Variants in TMEM178B observed in about 807,000 individuals in gnomAD.
TMEM178B encodes transmembrane protein 178B.
TMEM178B carries 5 observed loss-of-function variants against 31.0 expected under a neutral mutation model. The ratio of observed to expected loss-of-function variants is 0.16; its 90% CI spans 0.08 to 0.34. The LOEUF is 0.34. Ranked by LOEUF, TMEM178B falls within the 10% of genes least tolerant of loss-of-function variation. The pLI is 1.00. For missense variants in TMEM178B, 275 were observed against 400.3 expected (o/e 0.69, Z 2.67); for synonymous variants, 164 against 164.0 (o/e 1.00, Z 0.00).
chr7:141,350,659 G>A (rs1036463605), intron 2 of TMEM178B, among the ~76,000 whole-genome samples: 3 of 152,142 alleles, frequency 2.0e-5, no homozygotes, highest in Non-Finnish European at 2.9e-5. Flanking sequence ...GTAAGAAAAT[G>A]TAATATATGT....
chr7:141,089,304 C>T (rs1039371261), intron 1 of TMEM178B, among the ~76,000 whole-genome samples: 7 of 152,110 alleles, frequency 4.6e-5, no homozygotes, highest in Non-Finnish European at 8.8e-5. Flanking sequence ...ACTGGACAGG[C>T]AGACTTGGAG....
intron 2 of TMEM178B, among the ~76,000 whole-genome samples, chr7:141,216,494 A>G (rs2109865): frequency 0.7 from 98,074 of 139,122 alleles, 35,542 homozygotes; most frequent in Middle Eastern, 0.81. Context: ...GTGGGGAAGA[A>G]GGGTGATCTT....
intron 2 of TMEM178B, among the ~76,000 whole-genome samples, chr7:141,409,359 G>A (rs1358402354): frequency 6.6e-6 from 1 of 152,170 alleles, no homozygotes; most frequent in Non-Finnish European, 1.5e-5. Flanking sequence ...GAGAGCTATT[G>A]AGTGTCTCAG....
chr7:141,384,300 G>A (rs1448982521), intron 2 of TMEM178B, among the ~76,000 whole-genome samples: 5 of 152,144 alleles, frequency 3.3e-5, no homozygotes, highest in East Asian at 1.9e-4. Flanking sequence ...GCCCACGCCT[G>A]TGTCCTGAAT....
chr7:141,339,788 C>T (rs1799486257), intron 2 of TMEM178B, among the ~76,000 whole-genome samples: 1 of 152,208 alleles, frequency 6.6e-6, no homozygotes, highest in Non-Finnish European at 1.5e-5. Context: ...AGGGACAGCA[C>T]AGACTGCCCT....
chr7:141,489,317 A>G, the TMEM178B span, among the ~76,000 whole-genome samples: 6 of 152,196 alleles, frequency 3.9e-5, no homozygotes, highest in South Asian at 4.1e-4. Flanking sequence ...CTTCAAGTGC[A>G]TAACAGTGAA....
At chr7:141,245,118 G>A (rs559617879) in intron 2 of TMEM178B, among the ~76,000 whole-genome samples, 1 of 124,828 alleles carries the variant, frequency 8.0e-6, no homozygotes, top group East Asian at 2.7e-4. Context: ...AGCCGAGATC[G>A]CACCACTGGA....
At chr7:141,093,013 G>C (rs772208271) in intron 1 of TMEM178B, among the ~76,000 whole-genome samples, 1 of 152,190 alleles carries the variant, frequency 6.6e-6, no homozygotes. Context: ...GAGGGGGCTT[G>C]TAGTCAGATG....
the TMEM178B span, among the ~76,000 whole-genome samples, chr7:141,500,775 T>C: frequency 2.0e-5 from 3 of 152,280 alleles, no homozygotes; most frequent in Non-Finnish European, 1.5e-5. Context: ...CTGACTAGAA[T>C]AGATCCACCC....
chr7:141,126,527 C>T lies in TMEM178B; in HGVS notation c.382+51835C>T, dbSNP rs201897658. Among the ~76,000 whole-genome samples, 4 of 152,204 alleles carry T rather than the reference C, an allele frequency of 2.6e-5. No individual in the cohort carries two copies. The East Asian group carries it at 7.7e-4, about 29-fold the overall frequency. On this transcript the variant is annotated intron_variant, in intron 1 of 3. Transcript: ENST00000565468. ...CTATTGAAATCTGCAATGTTACCCT[C>T]AAACCTGACCCTCTCTTCCTTCATC...
At chr7:141,132,118 G>C (rs1168182635) in intron 1 of TMEM178B, among the ~76,000 whole-genome samples, 1 of 152,120 alleles carries the variant, frequency 6.6e-6, no homozygotes. Context: ...CTGAGGCTGA[G>C]GATTTCCTTC....
At chr7:141,210,481 T>C (rs1936921554) in intron 1 of TMEM178B, among the ~76,000 whole-genome samples, 1 of 151,882 alleles carries the variant, frequency 6.6e-6, no homozygotes, top group African/African-American at 2.4e-5. Flanking sequence ...CAATAAAAAT[T>C]AAAAAAATAG....
chr7:141,194,112 C>A (rs1202373464), intron 1 of TMEM178B, among the ~76,000 whole-genome samples: 3 of 152,104 alleles, frequency 2.0e-5, no homozygotes, highest in Non-Finnish European at 2.9e-5. Context: ...AGATACAATT[C>A]AAGTTGAGAT....
At chr7:141,427,442 C>T (rs1801339675) in intron 2 of TMEM178B, among the ~76,000 whole-genome samples, 1 of 152,174 alleles carries the variant, frequency 6.6e-6, no homozygotes, top group African/African-American at 2.4e-5. Flanking sequence ...GTGTCAAGAA[C>T]ACACAATAGG....
intron 1 of TMEM178B, among the ~76,000 whole-genome samples, chr7:141,195,586 A>G (rs1796769097): frequency 6.6e-6 from 1 of 152,044 alleles, no homozygotes; most frequent in Non-Finnish European, 1.5e-5. Context: ...ACTTTCCCAC[A>G]TTTTCCTGTC....
downstream of TMEM178B, among the ~76,000 whole-genome samples, chr7:141,483,491 T>C (rs1802510956): frequency 6.6e-6 from 1 of 152,152 alleles, no homozygotes; most frequent in African/African-American, 2.4e-5. Flanking sequence ...AGTACTTGAA[T>C]CATTAAGCAG....
intron 2 of TMEM178B, among the ~76,000 whole-genome samples, chr7:141,348,647 C>G (rs762058150): frequency 1.1e-4 from 16 of 152,134 alleles, no homozygotes; most frequent in Admixed American, 3.3e-4. Flanking sequence ...TATCTCCAGT[C>G]TAGTTAAGCT....
At chr7:141,506,063 G>C in the TMEM178B span, among the ~76,000 whole-genome samples, 1 of 152,202 alleles carries the variant, frequency 6.6e-6, no homozygotes, top group Admixed American at 6.5e-5. Context: ...TCACACATAT[G>C]GTCCACCAGG....
chr7:141,215,254 A>G (rs1216984086), intron 2 of TMEM178B, among the ~76,000 whole-genome samples: 1 of 152,094 alleles, frequency 6.6e-6, no homozygotes, highest in East Asian at 1.9e-4. Context: ...ACTTGGTTTG[A>G]GAGTCCTGCA....
Sources: gnomAD v4.1 joint callset for allele counts (sites outside exome capture counted in the v4.1 genomes callset) on GRCh38, gnomAD v4.1.1 for gene constraint, MANE v1.5 for transcripts, NCBI Gene and HGNC (gene_info 2026-07-23, HGNC 2026-07-21) for gene names.